RALYL: variants seen among roughly 807,000 people sequenced by gnomAD.
RALYL encodes the protein RNA-binding Raly-like protein.
In RALYL, 29 loss-of-function variants were observed where a neutral mutation model predicts 35.1. That is an observed-to-expected ratio of 0.83 (90% confidence interval 0.61 to 1.13). The LOEUF (loss-of-function observed/expected upper bound fraction) is 1.13. Ranked by LOEUF, RALYL falls within the 50% of genes most tolerant of loss-of-function variation. RALYL has a pLI of 0.00. For missense variants in RALYL, 359 were observed against 360.4 expected (o/e 1.00, Z 0.03); for synonymous variants, 120 against 127.6 (o/e 0.94, Z 0.40).
chr8:84,876,786 T>G (rs931570585), intron 7 of RALYL, among the ~76,000 whole-genome samples: 2 of 152,136 alleles, frequency 1.3e-5, no homozygotes, highest in Non-Finnish European at 2.9e-5. Flanking sequence ...ACTTACGTCT[T>G]AGAGAGGTTA....
chr8:84,414,023 A>C (rs2044366091), intron 1 of RALYL, among the ~76,000 whole-genome samples: 1 of 152,098 alleles, frequency 6.6e-6, no homozygotes, highest in Admixed American at 6.6e-5. Flanking sequence ...TGTTGAAATC[A>C]AGGAATCAAA....
chr8:84,881,071 G>A (rs1485603853), intron 7 of RALYL, among the ~76,000 whole-genome samples: 1 of 151,868 alleles, frequency 6.6e-6, no homozygotes, highest in Non-Finnish European at 1.5e-5. Flanking sequence ...TGTTGCATTT[G>A]TGTCATCTCA....
chr8:84,383,091 A>G (rs1563825097), intron 1 of RALYL, among the ~76,000 whole-genome samples: 1 of 151,812 alleles, frequency 6.6e-6, no homozygotes, highest in Non-Finnish European at 1.5e-5. Context: ...TATTTTTGAT[A>G]TAGTTATTCA....
chr8:84,193,047 A>G (rs2130896031), intron 1 of RALYL, among the ~76,000 whole-genome samples: 1 of 152,192 alleles, frequency 6.6e-6, no homozygotes, highest in South Asian at 2.1e-4. Context: ...AGGAAAGTTG[A>G]ATAGTCTATT....
At chr8:84,472,679 A>C (rs13276680) in intron 1 of RALYL, among the ~76,000 whole-genome samples, 61,616 of 151,772 alleles carry the variant, frequency 0.41, 12,552 homozygotes, top group South Asian at 0.53. Context: ...CTTGAATGTA[A>C]ACTCAAGCCT....
chr8:84,688,875 G>A (rs10088767), intron 2 of RALYL, among the ~76,000 whole-genome samples: 11,210 of 151,906 alleles, frequency 0.074, 1,004 homozygotes, highest in African/African-American at 0.21. Flanking sequence ...ATAGCGAACA[G>A]CAAATAATCT....
chr8:84,333,895 TC>T (rs1242144600), intron 1 of RALYL, among the ~76,000 whole-genome samples: 1 of 152,066 alleles, frequency 6.6e-6, no homozygotes, highest in Non-Finnish European at 1.5e-5. Flanking sequence ...CTTGTTTTTT[TC>T]CCCCCTTGGG....
intron 2 of RALYL, among the ~76,000 whole-genome samples, chr8:84,687,326 C>T (rs139928711): frequency 7.9e-5 from 12 of 152,060 alleles, no homozygotes; most frequent in African/African-American, 2.7e-4. Context: ...TTATAATTTC[C>T]AATGTTCCCT....
At chr8:84,456,221 C>G (rs964924145) in intron 1 of RALYL, among the ~76,000 whole-genome samples, 8 of 151,908 alleles carry the variant, frequency 5.3e-5, no homozygotes, top group African/African-American at 1.9e-4. Flanking sequence ...TTGCAGGATC[C>G]CCCAAAAGTT....
chr8:84,225,139 T>C (rs1352888450), intron 1 of RALYL, among the ~76,000 whole-genome samples: 1 of 152,214 alleles, frequency 6.6e-6, no homozygotes, highest in Non-Finnish European at 1.5e-5. Context: ...TTCTTCTCTT[T>C]GCCTTGCTCT....
Position 84,557,419 on chromosome 8 carries a change from C to G in RALYL, c.256+27842C>G, listed in dbSNP as rs190590621. On this transcript the variant is annotated intron_variant, in intron 2 of 8. Coordinates refer to ENST00000521268, the MANE Select transcript of RALYL (RefSeq NM_173848.7). ...CTGGGTGGAAAGGAAATAAGAGTCT[C>G]AAAGCAGAGGGAAACAGTGACACAG... Among the ~76,000 whole-genome samples the G allele has an allele frequency of 4.6e-5, 7 of 152,248 alleles. No homozygotes were observed. The East Asian group carries it at 5.8e-4, about 13-fold the overall frequency.
At position 84,906,972 on chromosome 8, in the gene RALYL, T is replaced by C. The variant is rs10102422; in HGVS notation, c.859-13922T>C. The C allele has an allele frequency of 5.1e-3, 5,049 of 985,180 alleles. 212 individuals are homozygous for C. The African/African-American group carries it at 0.082, about 16-fold the overall frequency. The allele number at this position is 985,180 out of a possible 1,614,324, so 61.0% of individuals were successfully genotyped here. On this transcript the variant is annotated intron_variant, in intron 8 of 8. Coordinates refer to ENST00000521268, the MANE Select transcript of RALYL (RefSeq NM_173848.7). ...AATCACAAGCTCCGGGGTTGCCTGC[T>C]CCAGGATAGCCTGAGATGAAATGAA...
intron 8 of RALYL, among the ~76,000 whole-genome samples, chr8:84,909,306 A>C (rs1847109904): frequency 1.3e-5 from 2 of 152,186 alleles, no homozygotes; most frequent in South Asian, 4.1e-4. Flanking sequence ...AGATAGTTCA[A>C]TAAATATCTC....
chr8:84,897,935 G>A (rs1845024099), intron 8 of RALYL, among the ~76,000 whole-genome samples: 1 of 152,168 alleles, frequency 6.6e-6, no homozygotes, highest in African/African-American at 2.4e-5. Flanking sequence ...ATACAATCGG[G>A]TGTAGGAAGT....
intron 3 of RALYL, among the ~76,000 whole-genome samples, chr8:84,779,210 C>G (rs1817541976): frequency 6.6e-6 from 1 of 152,158 alleles, no homozygotes; most frequent in Non-Finnish European, 1.5e-5. Flanking sequence ...TAATTCTCCC[C>G]CAGGAAGTGA....
chr8:84,487,399 A>G (rs1433887023), intron 1 of RALYL, among the ~76,000 whole-genome samples: 1 of 152,094 alleles, frequency 6.6e-6, no homozygotes, highest in Non-Finnish European at 1.5e-5. Flanking sequence ...TTTTTAATAC[A>G]TTTGCAGAAT....
chr8:84,533,108 A>G (rs1386743289), intron 2 of RALYL, among the ~76,000 whole-genome samples: 5 of 152,144 alleles, frequency 3.3e-5, no homozygotes, highest in Admixed American at 3.3e-4. Flanking sequence ...TAATGTAAAA[A>G]TCCTCATAAA....
rs59018867 is a variant in RALYL at position 84,557,995 on chromosome 8, C to G, written c.256+28418C>G. Among the ~76,000 whole-genome samples the G allele has an allele frequency of 4.6e-3, 704 of 152,118 alleles. 4 individuals carry two copies. The highest frequency in any genetic ancestry group is 0.016 in the African/African-American group (667 of 41,496). On this transcript the variant is annotated intron_variant, in intron 2 of 8. Coordinates refer to ENST00000521268, the MANE Select transcript of RALYL (RefSeq NM_173848.7). ...GTAAGCTGTTACTTAGTTTCGTGAT[C>G]CATCCCATTAATGTAATGTTGCTGA... is the stretch of plus-strand genomic sequence containing the variant.
intron 2 of RALYL, 81 bp from the exon 3 acceptor site, chr8:84,774,496 AAG>A: frequency 1.1e-6 from 1 of 901,082 alleles, no homozygotes; most frequent in Non-Finnish European, 1.7e-6. Flanking sequence ...AAATAGTAAA[AAG>A]AAAAATAAAA....
Sources: gnomAD v4.1 joint callset for allele counts (sites outside exome capture counted in the v4.1 genomes callset) on GRCh38, gnomAD v4.1.1 for gene constraint, MANE v1.5 for transcripts, NCBI Gene and HGNC (gene_info 2026-07-23, HGNC 2026-07-21) for gene names.